The following SYNJ2BP variants were observed in gnomAD, a reference collection of about 807,000 sequenced individuals.
The protein encoded by SYNJ2BP is synaptojanin-2-binding protein.
Under a neutral mutation model 16.9 loss-of-function variants are expected in SYNJ2BP, and 10 were observed. That is an observed-to-expected ratio of 0.59 (90% CI 0.36 to 1.00). SYNJ2BP has a LOEUF of 1.00. Among genes scored for constraint, SYNJ2BP ranks in the 50% least tolerant of loss-of-function variants. The probability of loss-of-function intolerance (pLI) is 0.01; values close to 1 mark genes in which losing one functional copy is unlikely to be tolerated. For synonymous variants in SYNJ2BP, 54 were observed against 68.4 expected (o/e 0.79, Z 1.04); for missense variants, 162 against 186.7 (o/e 0.87, Z 0.77).
chr14:70,406,433 G>A (rs1167675568), intron 1 of SYNJ2BP, among the ~76,000 whole-genome samples: 2 of 152,118 alleles, frequency 1.3e-5, no homozygotes, highest in African/African-American at 4.8e-5. Flanking sequence ...TTGAAACAAA[G>A]ATAACAGCCC....
chr14:70,413,094 T>G (rs1208942015), intron 1 of SYNJ2BP, among the ~76,000 whole-genome samples: 1 of 152,210 alleles, frequency 6.6e-6, no homozygotes, highest in Non-Finnish European at 1.5e-5. Context: ...CCACTGCCTT[T>G]GTAATTCTTC....
chr14:70,405,354 T>C (rs565597804), intron 1 of SYNJ2BP, among the ~76,000 whole-genome samples: 1 of 152,112 alleles, frequency 6.6e-6, no homozygotes, highest in South Asian at 2.1e-4. Flanking sequence ...AAAGGAAGTA[T>C]AGGACAAAAC....
At chr14:70,396,084 G>A (rs1360606401) in intron 1 of SYNJ2BP, among the ~76,000 whole-genome samples, 1 of 152,056 alleles carries the variant, frequency 6.6e-6, no homozygotes, top group East Asian at 1.9e-4. Context: ...GTGAACACTG[G>A]TGTACAAATA....
At chr14:70,379,262 A>G (rs1213502558) in intron 2 of SYNJ2BP, among the ~76,000 whole-genome samples, 1 of 152,192 alleles carries the variant, frequency 6.6e-6, no homozygotes, top group Non-Finnish European at 1.5e-5. Context: ...CTACCACTTT[A>G]CTGCTCAAAA....
rs767735675 is a variant in SYNJ2BP, at chr14:70,416,866, C to A, written c.64+34G>T. ...GTGTCTGCAATTACACCCTCTAATC[C>A]CCTACTGTCAGATATGACCCTTTCC... On this transcript the variant is annotated intron_variant, in intron 1 of 3. Coordinates refer to ENST00000256366, the MANE Select transcript of SYNJ2BP (RefSeq NM_018373.3). The A allele has an allele frequency of 1.9e-6, 3 of 1,613,898 alleles. No homozygotes were observed. In the East Asian group the frequency reaches 6.7e-5, roughly 36 times the overall value.
At chr14:70,394,562 G>A (rs183260845) in intron 1 of SYNJ2BP, among the ~76,000 whole-genome samples, 484 of 151,930 alleles carry the variant, frequency 3.2e-3, no homozygotes, top group Non-Finnish European at 5.6e-3. Context: ...GGGTTGCTGG[G>A]TGTCTATTTT....
At chr14:70,386,392 A>G (rs1887859906) in intron 2 of SYNJ2BP, among the ~76,000 whole-genome samples, 1 of 152,258 alleles carries the variant, frequency 6.6e-6, no homozygotes, top group Non-Finnish European at 1.5e-5. Context: ...GAAGAGAGGC[A>G]GAATAGTCAA....
At chr14:70,399,895 C>A (rs1403739286) in intron 1 of SYNJ2BP, among the ~76,000 whole-genome samples, 1 of 152,174 alleles carries the variant, frequency 6.6e-6, no homozygotes, top group Non-Finnish European at 1.5e-5. Context: ...ATCCGAGGCT[C>A]CATTTCCATG....
intron 1 of SYNJ2BP, among the ~76,000 whole-genome samples, chr14:70,401,033 C>T (rs1307273351): frequency 1.3e-5 from 2 of 152,138 alleles, no homozygotes; most frequent in Non-Finnish European, 1.5e-5. Context: ...ACCAGCATGA[C>T]TTATATATAA....
intron 1 of SYNJ2BP, among the ~76,000 whole-genome samples, chr14:70,393,451 G>C (rs1888021938): frequency 6.6e-6 from 1 of 152,050 alleles, no homozygotes; most frequent in African/African-American, 2.4e-5. Flanking sequence ...CCCATTACTG[G>C]GTATATACCC....
intron 1 of SYNJ2BP, among the ~76,000 whole-genome samples, chr14:70,393,593 C>CAT (rs1218024641): frequency 1.3e-5 from 2 of 152,084 alleles, no homozygotes; most frequent in Admixed American, 1.3e-4. Flanking sequence ...AAAATTGGCA[C>CAT]ATATATATCA....
chr14:70,391,265 T>C (rs976340009), intron 1 of SYNJ2BP, among the ~76,000 whole-genome samples: 9 of 152,152 alleles, frequency 5.9e-5, no homozygotes, highest in Non-Finnish European at 1.3e-4. Flanking sequence ...CTGGGCAACA[T>C]AGCAAGACCC....
intron 1 of SYNJ2BP, among the ~76,000 whole-genome samples, chr14:70,396,515 A>G (rs368989180): frequency 2.0e-5 from 3 of 152,204 alleles, no homozygotes; most frequent in East Asian, 3.9e-4. Flanking sequence ...AAACTTTTCC[A>G]CAGTGGCTGC....
intron 3 of SYNJ2BP, among the ~76,000 whole-genome samples, chr14:70,374,102 TTTA>T (rs1887574881): frequency 6.6e-6 from 1 of 152,266 alleles, no homozygotes; most frequent in African/African-American, 2.4e-5. Context: ...AAGGGTCTTT[TTTA>T]TTAGGAATTA....
At chr14:70,412,487 A>G (rs1411502441) in intron 1 of SYNJ2BP, among the ~76,000 whole-genome samples, 1 of 148,928 alleles carries the variant, frequency 6.7e-6, no homozygotes, top group African/African-American at 2.5e-5. Flanking sequence ...TACAGTATAT[A>G]TATGTATGTA....
At chr14:70,390,452 A>C (rs1887956083) in intron 1 of SYNJ2BP, among the ~76,000 whole-genome samples, 1 of 151,256 alleles carries the variant, frequency 6.6e-6, no homozygotes, top group African/African-American at 2.4e-5. Flanking sequence ...GTGGATCACA[A>C]GGTCAGGAGA....
chr14:70,401,584 T>G (rs946704126), intron 1 of SYNJ2BP, among the ~76,000 whole-genome samples: 1 of 149,016 alleles, frequency 6.7e-6, no homozygotes, highest in African/African-American at 2.5e-5. Context: ...ATACCTTGAG[T>G]CTTCTGTTTG....
chr14:70,416,095 C>T (rs537235352), intron 1 of SYNJ2BP, among the ~76,000 whole-genome samples: 1 of 152,112 alleles, frequency 6.6e-6, no homozygotes, highest in East Asian at 1.9e-4. Flanking sequence ...CTTAATTGAT[C>T]AACTAAATAG....
At chr14:70,383,081 A>G (rs1321538049) in intron 2 of SYNJ2BP, among the ~76,000 whole-genome samples, 5 of 152,222 alleles carry the variant, frequency 3.3e-5, no homozygotes, top group Non-Finnish European at 1.5e-5. Flanking sequence ...TGAAGAAACC[A>G]TAAAAATAGA....
Sources: allele counts gnomAD v4.1 joint callset (sites outside exome capture counted in the v4.1 genomes callset), GRCh38; gene constraint gnomAD v4.1.1; transcripts MANE v1.5; gene names NCBI Gene and HGNC (gene_info 2026-07-23, HGNC 2026-07-21).